Variants in GPR149 observed in about 807,000 individuals in gnomAD.
GPR149 encodes G protein-coupled receptor 149.
GPR149 carries 50 observed loss-of-function variants against 50.2 expected under a neutral mutation model. The ratio of observed to expected loss-of-function variants is 1.00; its 90% CI spans 0.79 to 1.26. The LOEUF (loss-of-function observed/expected upper bound fraction) is 1.26, where lower values mean the gene tolerates loss of function less well. GPR149 is among the 50% of genes most tolerant of loss of function. GPR149 has a pLI of 0.00. For synonymous variants in GPR149, 405 were observed against 358.2 expected, an observed-to-expected ratio of 1.13 and a Z score of -1.48; for missense variants, 983 against 895.4, an observed-to-expected ratio of 1.10 and a Z score of -1.25.
Position 154,337,861 on chromosome 3 carries a change from G to A in GPR149, c.2034C>T (p.Thr678=). The A allele has an allele frequency of 1.2e-6, 2 of 1,613,730 alleles. No individual in the cohort carries two copies. Among genetic ancestry groups the A allele is most frequent in the Non-Finnish European group, 1.7e-6 (2 of 1,179,884 alleles). The stretch of plus-strand genomic sequence containing the variant: ...TATTAATATCACCATCAGGATTACT[G>A]GTGGGCAAAAAGAGGGAGTATGAGG... The part of the protein sequence containing the change: ...ETASYSLFLP[T]SNPDGDINIS... The change falls in exon 4 of 4, where the codon ACC becomes ACT. Residue 678 remains threonine (T), a synonymous_variant. Coordinates refer to ENST00000389740, the MANE Select transcript of GPR149 (RefSeq NM_001038705.3).
intron 2 of GPR149, 145 bp from the exon 3 acceptor site, chr3:154,421,632 T>C: frequency 8.0e-6 from 4 of 500,572 alleles, no homozygotes; most frequent in Non-Finnish European, 1.4e-5. Flanking sequence ...TTGTCAGTTA[T>C]GCAAAGAAAT....
Position 154,421,376 on chromosome 3 carries a change from T to A in GPR149, c.1286A>T (p.Asn429Ile), listed in dbSNP as rs190883894. The A allele has an allele frequency of 3.9e-5, 63 of 1,612,668 alleles. No homozygotes were observed. In the Middle Eastern group the frequency reaches 4.6e-3, roughly 118 times the overall value. ...AGTTTCACACTCAGAGTTCATCAGG[T>A]TGTGATAGAATATGGAATTTTCATC... ...DDDENSIFYH[N>I]LMNSECETTK... The change falls in exon 3 of 4, where the codon AAC becomes ATC. Residue 429 changes from asparagine to isoleucine, a missense_variant. Asn to Ile is a moderately radical substitution (Grantham distance 149, BLOSUM62 -3). Coordinates refer to ENST00000389740, the MANE Select transcript of GPR149 (RefSeq NM_001038705.3).
intron 3 of GPR149, among the ~76,000 whole-genome samples, chr3:154,391,275 T>C (rs1193916366): frequency 6.6e-6 from 1 of 151,172 alleles, no homozygotes; most frequent in Non-Finnish European, 1.5e-5. Flanking sequence ...TATAAAAAGA[T>C]ATAAATCATG....
chr3:154,380,570 G>T (rs1714898454), intron 3 of GPR149, among the ~76,000 whole-genome samples: 1 of 152,124 alleles, frequency 6.6e-6, no homozygotes, highest in African/African-American at 2.4e-5. Context: ...GCCTCCCAAA[G>T]TGTTGGGATT....
chr3:154,363,253 C>T (rs143652864), intron 3 of GPR149, among the ~76,000 whole-genome samples: 168 of 152,018 alleles, frequency 1.1e-3, no homozygotes, highest in African/African-American at 3.5e-3. Context: ...AAATTTATTC[C>T]GGGCTGTGAT....
chr3:154,414,326 T>A lies in GPR149; in HGVS notation c.1623+6713A>T, dbSNP rs116591632. 1.4e-3 allele frequency among the ~76,000 whole-genome samples: 216 copies of A among 151,760 alleles called. 1 individual carries two copies. Among genetic ancestry groups the A allele is most frequent in the African/African-American group, 5.1e-3 (211 of 41,402 alleles). On this transcript the variant is annotated intron_variant, in intron 3 of 3. Coordinates refer to ENST00000389740, the MANE Select transcript of GPR149 (RefSeq NM_001038705.3). ...CTATTGAAATAAAAAAACAAAAAAA[T>A]AAATAAAATGTGTTTATGTGCATCA... is the stretch of plus-strand genomic sequence containing the variant.
chr3:154,375,723 G>A (rs1378023129), intron 3 of GPR149, among the ~76,000 whole-genome samples: 1 of 152,042 alleles, frequency 6.6e-6, no homozygotes, highest in Non-Finnish European at 1.5e-5. Context: ...ATTATTTTTT[G>A]GGGGGTGTGG....
intron 3 of GPR149, among the ~76,000 whole-genome samples, chr3:154,392,638 G>C (rs557720937): frequency 6.6e-6 from 1 of 151,150 alleles, no homozygotes; most frequent in Non-Finnish European, 1.5e-5. Context: ...ATGGACAAAA[G>C]TAAGAGTTTA....
At chr3:154,369,774 CTTTGATCTAACATGGAGAGATAT>C (rs1714619667) in intron 3 of GPR149, among the ~76,000 whole-genome samples, 1 of 152,224 alleles carries the variant, frequency 6.6e-6, no homozygotes. Context: ...TGGGGCAGTC[CTTTGATCTAACATGGAGAGATAT>C]CATGTTGCTT....
At chr3:154,388,157 T>C (rs1011849265) in intron 3 of GPR149, among the ~76,000 whole-genome samples, 2 of 152,206 alleles carry the variant, frequency 1.3e-5, no homozygotes, top group Non-Finnish European at 2.9e-5. Flanking sequence ...TATGCTTTAG[T>C]TAATGAGTTA....
rs1713674293 is a variant in GPR149, at chr3:154,337,204, A to G, written c.*495T>C. Among the ~76,000 whole-genome samples the G allele has an allele frequency of 6.6e-6, 1 of 152,238 alleles. No individual in the cohort carries two copies. Among genetic ancestry groups the G allele is most frequent in the South Asian group, 2.1e-4 (1 of 4,830 alleles). ...ATTTTACAGAAGAATGTAAAGCTAA[A>G]GCAGTAAGTGTAATAAGCTTGTTTT... On this transcript the variant is annotated 3_prime_UTR_variant, in exon 4 of 4. Transcript: ENST00000389740.
At chr3:154,405,461 G>A (rs1369900902) in intron 3 of GPR149, among the ~76,000 whole-genome samples, 3 of 151,682 alleles carry the variant, frequency 2.0e-5, no homozygotes, top group Non-Finnish European at 2.9e-5. Flanking sequence ...GGTGGCTTGC[G>A]CCTGTAGTCC....
chr3:154,428,533 G>C, intron 1 of GPR149, 102 bp downstream of exon 1: 2 of 1,288,222 alleles, frequency 1.6e-6, no homozygotes, highest in South Asian at 1.4e-5. Context: ...GGACTTCACT[G>C]TGTGTCTCTT....
Position 154,429,080 on chromosome 3 carries a change from G to C in GPR149, c.536C>G (p.Pro179Arg). Residue 179 changes from proline (P) to arginine (R), a missense_variant, in exon 1 of 4, where the codon CCC becomes CGC. Physicochemically the swap from Pro to Arg is moderately radical, Grantham distance 103 (BLOSUM62 -2). Transcript: ENST00000389740. ...GGAGCAGTCCACCAGGCAGCCCCAG[G>C]GCGTGCGCACGAAGGCGCCCCAGCC... is the stretch of plus-strand genomic sequence containing the variant. Reference protein sequence around the residue: ...LCGWGAFVRTPWGCLVDCSSS... With the variant: ...LCGWGAFVRTRWGCLVDCSSS... The C allele has an allele frequency of 6.2e-7, 1 of 1,613,786 alleles. No homozygotes were observed. Among genetic ancestry groups the C allele is most frequent in the South Asian group, 1.1e-5 (1 of 91,078 alleles).
intron 3 of GPR149, among the ~76,000 whole-genome samples, chr3:154,403,080 C>G (rs1711585891): frequency 2.6e-5 from 4 of 152,248 alleles, no homozygotes. Flanking sequence ...GGACTTGTTT[C>G]TAGTAGTGTA....
At chr3:154,362,870 G>C (rs1429829756) in intron 3 of GPR149, among the ~76,000 whole-genome samples, 4 of 152,068 alleles carry the variant, frequency 2.6e-5, no homozygotes, top group African/African-American at 9.7e-5. Context: ...ATCCATCCAT[G>C]TGTCAATGAT....
At chr3:154,343,370 G>T (rs1713849675) in intron 3 of GPR149, among the ~76,000 whole-genome samples, 1 of 152,012 alleles carries the variant, frequency 6.6e-6, no homozygotes, top group Non-Finnish European at 1.5e-5. Context: ...TTATTATCAT[G>T]ATTACTCTTT....
At chr3:154,427,408 T>A in intron 2 of GPR149, 108 bp downstream of exon 2, 1 of 812,986 alleles carries the variant, frequency 1.2e-6, no homozygotes, top group East Asian at 2.5e-5. Context: ...CACTGACATT[T>A]ATCCTTGGAC....
chr3:154,366,537 A>G (rs995351358), intron 3 of GPR149, among the ~76,000 whole-genome samples: 1 of 152,192 alleles, frequency 6.6e-6, no homozygotes, highest in African/African-American at 2.4e-5. Context: ...AGACATTTAC[A>G]TCTATTCTCT....
Sources: allele counts gnomAD v4.1 joint callset (sites outside exome capture counted in the v4.1 genomes callset), GRCh38; gene constraint gnomAD v4.1.1; transcripts MANE v1.5; gene names NCBI Gene and HGNC (gene_info 2026-07-23, HGNC 2026-07-21).